Variants in CNNM2 observed in about 807,000 individuals in gnomAD.
CNNM2 encodes the protein cyclin and CBS domain divalent metal cation transport mediator 2, also known as metal transporter CNNM2.
Under a neutral mutation model 66.9 loss-of-function variants are expected in CNNM2, and 12 were observed. The ratio of observed to expected loss-of-function variants is 0.18; its 90% CI spans 0.11 to 0.29. CNNM2 has a LOEUF of 0.29. Among genes scored for constraint, CNNM2 ranks in the 10% least tolerant of loss-of-function variants. CNNM2 has a pLI of 1.00. For synonymous variants in CNNM2, 557 were observed against 501.8 expected (o/e 1.11, Z -1.47); for missense variants, 705 against 1,167.7 (o/e 0.60, Z 5.77).
intron 4 of CNNM2, among the ~76,000 whole-genome samples, chr10:103,058,262 A>G (rs1031697752): frequency 6.6e-6 from 1 of 152,192 alleles, no homozygotes; most frequent in South Asian, 2.1e-4. Flanking sequence ...GTAAGCTTGT[A>G]ACTCTGAGTG....
Position 103,089,616 on chromosome 10 carries a change from CCT to C in CNNM2, c.*12437_*12438del. ...AACCCTAACAGGGACCTCGTTTGTT[CCT>C]GTGAGTCCTGCCAGGACTTGTTTAA... On this transcript the variant is annotated 3_prime_UTR_variant, in exon 8 of 8. Transcript: ENST00000369878. 5.3e-6 allele frequency: 8 copies of C among 1,507,820 alleles called. No homozygotes were observed. The highest frequency in any genetic ancestry group is 7.1e-6 in the Non-Finnish European group (8 of 1,128,594). The allele number at this position is 1,507,820 out of a possible 1,614,324, so 93.4% of individuals were successfully genotyped here.
Position 103,079,223 on chromosome 10 carries a change from G to A in CNNM2, c.*2043G>A, listed in dbSNP as rs2065732738. On this transcript the variant is annotated 3_prime_UTR_variant, in exon 8 of 8. Coordinates refer to ENST00000369878, the MANE Select transcript of CNNM2 (RefSeq NM_017649.5). ...ACTGAGCACAACACCAGTGTGATGA[G>A]TGTATAAAGATGAGGGGTCCTTGCA... is the stretch of plus-strand genomic sequence containing the variant. 4 of 152,390 alleles carry A rather than the reference G, an allele frequency of 2.6e-5. No individual in the cohort carries two copies. Among genetic ancestry groups the A allele is most frequent in the African/African-American group, 9.6e-5 (4 of 41,580 alleles). 9.4% of individuals were successfully genotyped at this position (152,390 alleles called of 1,614,324 possible). A position where few individuals can be genotyped will look rare whatever the true frequency, so the allele number is the denominator to read the frequency against.
chr10:102,954,965 A>G (rs979848726), intron 1 of CNNM2, among the ~76,000 whole-genome samples: 3 of 152,200 alleles, frequency 2.0e-5, no homozygotes, highest in African/African-American at 7.2e-5. Flanking sequence ...AAGGTAATTT[A>G]TAGATTCGAT....
chr10:102,967,434 T>A (rs34161248), intron 1 of CNNM2, among the ~76,000 whole-genome samples: 1 of 152,256 alleles, frequency 6.6e-6, no homozygotes, highest in Non-Finnish European at 1.5e-5. Context: ...GGTCAATCCC[T>A]GCTTTCATCT....
intron 1 of CNNM2, among the ~76,000 whole-genome samples, chr10:103,016,545 CA>C (rs1328408853): frequency 3.3e-5 from 5 of 152,124 alleles, no homozygotes; most frequent in African/African-American, 1.2e-4. Context: ...TTTCAAGCCA[CA>C]AGCTTGTTTC....
At chr10:103,022,928 G>T (rs1378659554) in intron 1 of CNNM2, among the ~76,000 whole-genome samples, 2 of 151,932 alleles carry the variant, frequency 1.3e-5, no homozygotes, top group African/African-American at 4.8e-5. Context: ...TTGAGACAGG[G>T]TCTTACTGTG....
chr10:103,072,841 G>A (rs993336646), intron 6 of CNNM2, among the ~76,000 whole-genome samples: 11 of 152,154 alleles, frequency 7.2e-5, no homozygotes, highest in Non-Finnish European at 1.5e-4. Context: ...AGCTCTACTT[G>A]TTGTGAATCC....
rs797009578 is a variant in CNNM2 at position 103,083,745 on chromosome 10, TAAC to T, written c.*6570_*6572del. The T allele has an allele frequency of 7.2e-5, 11 of 152,326 alleles. No homozygotes were observed. Among genetic ancestry groups the T allele is most frequent in the South Asian group, 2.1e-4 (1 of 4,824 alleles). The allele number at this position is 152,326 out of a possible 1,614,324, so 9.4% of individuals were successfully genotyped here. A position where few individuals can be genotyped will look rare whatever the true frequency, so the allele number is the denominator to read the frequency against. On this transcript the variant is annotated 3_prime_UTR_variant, in exon 8 of 8. Coordinates refer to ENST00000369878, the MANE Select transcript of CNNM2 (RefSeq NM_017649.5). ...CAGACATTGGCTGCTCAGTCACTAA[TAAC>T]AACACACAGTGCCGCTGGGCTAAGC... is the stretch of plus-strand genomic sequence containing the variant.
chr10:102,955,452 A>T (rs1846998371), intron 1 of CNNM2, among the ~76,000 whole-genome samples: 1 of 152,232 alleles, frequency 6.6e-6, no homozygotes, highest in African/African-American at 2.4e-5. Flanking sequence ...ACCATTCAGG[A>T]TATAGGCATG....
chr10:102,989,719 T>C (rs938861886), intron 1 of CNNM2, among the ~76,000 whole-genome samples: 21 of 151,830 alleles, frequency 1.4e-4, no homozygotes, highest in African/African-American at 5.1e-4. Flanking sequence ...AGGAGAATTG[T>C]TTGACCCAGG....
intron 1 of CNNM2, among the ~76,000 whole-genome samples, chr10:103,012,002 A>G (rs2134272845): frequency 6.6e-6 from 1 of 152,208 alleles, no homozygotes; most frequent in South Asian, 2.1e-4. Context: ...AATGTATACA[A>G]TTTTTAAAGC....
At chr10:103,063,647 A>G (rs1023676751) in intron 4 of CNNM2, among the ~76,000 whole-genome samples, 2 of 152,212 alleles carry the variant, frequency 1.3e-5, no homozygotes, top group African/African-American at 4.8e-5. Flanking sequence ...GGATGCTGTG[A>G]GAGATGCTTT....
At chr10:102,984,703 A>G (rs867253124) in intron 1 of CNNM2, among the ~76,000 whole-genome samples, 1 of 152,308 alleles carries the variant, frequency 6.6e-6, no homozygotes, top group Non-Finnish European at 1.5e-5. Flanking sequence ...TCTGTCACCC[A>G]GGCTGGAGTG....
chr10:103,049,476 G>A (rs2134329197), intron 1 of CNNM2, among the ~76,000 whole-genome samples: 1 of 152,260 alleles, frequency 6.6e-6, no homozygotes, highest in Admixed American at 6.5e-5. Context: ...GAACAATGGT[G>A]CAGTGCAATG....
At chr10:103,035,606 A>G (rs1160542039) in intron 1 of CNNM2, among the ~76,000 whole-genome samples, 4 of 152,238 alleles carry the variant, frequency 2.6e-5, no homozygotes. Context: ...TGGATGGGCC[A>G]TTAAGTAAGT....
intron 1 of CNNM2, among the ~76,000 whole-genome samples, chr10:103,021,117 C>T (rs1282750704): frequency 6.6e-6 from 1 of 152,078 alleles, no homozygotes; most frequent in Non-Finnish European, 1.5e-5. Context: ...TTTTTAGACA[C>T]TAGACAACAG....
chr10:103,025,122 C>T (rs565649505), intron 1 of CNNM2, among the ~76,000 whole-genome samples: 51 of 152,096 alleles, frequency 3.4e-4, no homozygotes, highest in Non-Finnish European at 4.1e-4. Context: ...GACAGCGTCT[C>T]GCCCTGTCAC....
At chr10:103,013,487 AT>A (rs1177572974) in intron 1 of CNNM2, among the ~76,000 whole-genome samples, 1 of 152,100 alleles carries the variant, frequency 6.6e-6, no homozygotes, top group African/African-American at 2.4e-5. Context: ...GGGTTAAAGC[AT>A]TTTGCTTTAA....
intron 1 of CNNM2, among the ~76,000 whole-genome samples, chr10:102,947,137 A>T (rs897638860): frequency 2.0e-5 from 3 of 152,080 alleles, no homozygotes; most frequent in African/African-American, 7.2e-5. Context: ...TTCTCCAGTC[A>T]TATGTTTTGT....
Sources: allele counts gnomAD v4.1 joint callset (sites outside exome capture counted in the v4.1 genomes callset), GRCh38; gene constraint gnomAD v4.1.1; transcripts MANE v1.5; gene names NCBI Gene and HGNC (gene_info 2026-07-23, HGNC 2026-07-21).